The following CDKL5 variants were observed in gnomAD, a reference collection of about 807,000 sequenced individuals.
The protein encoded by CDKL5 is cyclin-dependent kinase-like 5.
In CDKL5, 8 loss-of-function variants were observed where a neutral mutation model predicts 61.7. The ratio of observed to expected loss-of-function variants is 0.13; its 90% confidence interval spans 0.08 to 0.23. The LOEUF is 0.23. Ranked by LOEUF, CDKL5 falls within the 10% of genes least tolerant of loss-of-function variation. CDKL5 has a pLI of 1.00. For synonymous variants in CDKL5, 275 were observed against 272.3 expected (o/e 1.01, Z -0.10); for missense variants, 440 against 734.5 (o/e 0.60, Z 4.63).
intron 1 of CDKL5, among the ~76,000 whole-genome samples, chrX:18,447,365 T>C (rs967932229): frequency 9.0e-6 from 1 of 111,401 alleles, no homozygotes; most frequent in Non-Finnish European, 1.9e-5. Flanking sequence ...ACATGTCCAA[T>C]CCTCTCCTAG....
intron 1 of CDKL5, among the ~76,000 whole-genome samples, chrX:18,456,280 C>T (rs185664516): frequency 9.9e-4 from 110 of 110,999 alleles, no homozygotes; most frequent in African/African-American, 3.4e-3. Context: ...TCAGGTGGTC[C>T]ACCCACCTTG....
chrX:18,466,287 G>A (rs1183377688), intron 1 of CDKL5, among the ~76,000 whole-genome samples: 1 of 111,858 alleles, frequency 8.9e-6, no homozygotes, highest in Non-Finnish European at 1.9e-5. Flanking sequence ...AATCTCAAAG[G>A]TGCCTCAATC....
chrX:18,625,067 T>C (rs1039978121), intron 16 of CDKL5, 61 bp from the exon 17 acceptor site: 1 of 1,123,910 alleles, frequency 8.9e-7, no homozygotes, highest in Non-Finnish European at 1.2e-6. Context: ...TGGGTGTGGT[T>C]GCATATCTTA....
At chrX:18,441,552 T>TG (rs1381750665) in intron 1 of CDKL5, among the ~76,000 whole-genome samples, 6 of 111,553 alleles carry the variant, frequency 5.4e-5, no homozygotes, top group Non-Finnish European at 1.1e-4. Context: ...TGGGTGGTGG[T>TG]GGGGGGGCTT....
intron 4 of CDKL5, among the ~76,000 whole-genome samples, chrX:18,573,136 T>G (rs1371154471): frequency 9.0e-6 from 1 of 110,713 alleles, no homozygotes; most frequent in African/African-American, 3.3e-5. Context: ...AGTTTGGGGC[T>G]ATTTTGGGAA....
chrX:18,639,990 G>A lies in CDKL5; in HGVS notation c.*11233G>A, dbSNP rs1024074681. 2 of 111,796 alleles carry A rather than the reference G, an allele frequency of 1.8e-5. No homozygotes were observed. The highest frequency in any genetic ancestry group is 6.5e-5 in the African/African-American group (2 of 30,707). The allele number at this position is 111,796 out of a possible 1,213,427, so 9.2% of individuals were successfully genotyped here. ...AGACAGTCGATTCGTGGTTGCAGAG[G>A]GCTTGGGGTGGCCGATGGGTTGGGG... On this transcript the variant is annotated 3_prime_UTR_variant, in exon 18 of 18. Coordinates refer to ENST00000623535, the MANE Select transcript of CDKL5 (RefSeq NM_001323289.2).
At chrX:18,484,509 G>A (rs1353841135) in intron 1 of CDKL5, among the ~76,000 whole-genome samples, 3 of 109,502 alleles carry the variant, frequency 2.7e-5, no homozygotes, top group African/African-American at 6.7e-5. Flanking sequence ...GTAGAGATGG[G>A]GTTTCACAAT....
In CDKL5 at chrX:18,631,235, T is replaced by A. The variant is rs1266098402; in HGVS notation, c.*2478T>A. ...ACCTAATTGTTGAAGAGTCAATACG[T>A]ACTTTTTGTACTTTCCCAGATTTGA... On this transcript the variant is annotated 3_prime_UTR_variant, in exon 18 of 18. Coordinates refer to ENST00000623535, the MANE Select transcript of CDKL5 (RefSeq NM_001323289.2). 5.3e-5 allele frequency: 40 copies of A among 751,209 alleles called. No individual in the cohort carries two copies. Among genetic ancestry groups the A allele is most frequent in the Non-Finnish European group, 6.3e-5 (40 of 637,790 alleles). The allele number at this position is 751,209 out of a possible 1,213,427, so 61.9% of individuals were successfully genotyped here. A position where few individuals can be genotyped will look rare whatever the true frequency, so the allele number is the denominator to read the frequency against.
intron 6 of CDKL5, among the ~76,000 whole-genome samples, chrX:18,581,488 TATTCTC>T (rs1386269740): frequency 8.9e-6 from 1 of 111,950 alleles, no homozygotes; most frequent in Admixed American, 9.5e-5. Context: ...GCTAGCTACT[TATTCTC>T]ATGTATTTTT....
intron 2 of CDKL5, among the ~76,000 whole-genome samples, chrX:18,509,249 CT>C (rs1922738344): frequency 1.2e-5 from 1 of 81,426 alleles, no homozygotes; most frequent in African/African-American, 4.4e-5. Flanking sequence ...ACACACACCC[CT>C]GTCAAGCAAA....
intron 1 of CDKL5, among the ~76,000 whole-genome samples, chrX:18,450,193 A>G (rs1602197590): frequency 3.6e-5 from 4 of 112,088 alleles, no homozygotes; most frequent in African/African-American, 3.2e-5. Context: ...ATGCTGCCAA[A>G]TGTAAGATAT....
At position 18,442,788 on chromosome X, in the gene CDKL5, C is replaced by CT. The variant is rs200605190; in HGVS notation, c.-163+17094dup. On this transcript the variant is annotated intron_variant, in intron 1 of 17. Coordinates refer to ENST00000623535, the MANE Select transcript of CDKL5 (RefSeq NM_001323289.2). Reference sequence around the variant, plus strand: ...GGATTACAGGTGTGAGCCACCGCGCCTAGCGCTCTGTTGGGTTTAAAGAAA... The same window carrying CT: ...GGATTACAGGTGTGAGCCACCGCGCCTTAGCGCTCTGTTGGGTTTAAAGAAA... 5.0e-3 allele frequency among the ~76,000 whole-genome samples: 564 copies of CT among 112,356 alleles called. 4 individuals carry two copies. The highest frequency in any genetic ancestry group is 0.036 in the South Asian group (99 of 2,763).
chrX:18,506,893 A>T (rs182947187), intron 1 of CDKL5, 42 bp from the exon 2 acceptor site: 47 of 418,368 alleles, frequency 1.1e-4, no homozygotes, highest in Non-Finnish European at 1.5e-4. Flanking sequence ...GAGTACTGCA[A>T]ATATAAAACT....
At chrX:18,625,320 C>G in intron 17 of CDKL5, 73 bp downstream of exon 17, 1 of 1,100,338 alleles carries the variant, frequency 9.1e-7, no homozygotes, top group Non-Finnish European at 1.2e-6. Context: ...GGAGGGCATG[C>G]TAGAGAAAAC....
At chrX:18,642,061 C>G, downstream of CDKL5, 2 of 1,211,368 alleles carry the variant, frequency 1.7e-6, no homozygotes, top group Non-Finnish European at 2.2e-6. Context: ...TGCGGACGTG[C>G]CAGCCCAGCG....
chrX:18,608,770 A>G (rs780582317), intron 12 of CDKL5, 41 bp from the exon 13 acceptor site: 39 of 914,788 alleles, frequency 4.3e-5, no homozygotes, highest in Non-Finnish European at 6.1e-5. Context: ...CATCCCTAGG[A>G]ACAGGATGCT....
chrX:18,644,496 G>A (rs777902881), downstream of CDKL5: 3 of 1,211,432 alleles, frequency 2.5e-6, no homozygotes, highest in Non-Finnish European at 2.2e-6. Context: ...TGTACTGCAC[G>A]CTGTACTTGG....
downstream of CDKL5, chrX:18,644,733 C>A: frequency 2.6e-6 from 2 of 774,408 alleles, no homozygotes; most frequent in Non-Finnish European, 3.9e-6. Flanking sequence ...AGCCCCCTGC[C>A]AAGCTCGGGC....
chrX:18,445,276 C>T lies in CDKL5; in HGVS notation c.-163+19581C>T, dbSNP rs1479730278. On this transcript the variant is annotated intron_variant, in intron 1 of 17. Coordinates refer to ENST00000623535, the MANE Select transcript of CDKL5 (RefSeq NM_001323289.2). Reference sequence around the variant, plus strand: ...TATTTTTAGTAGAGACAGGGTTTCACCATGTTGGTCAGGCTGGTCTCGGAC... The same window carrying T: ...TATTTTTAGTAGAGACAGGGTTTCATCATGTTGGTCAGGCTGGTCTCGGAC... 2.7e-5 allele frequency among the ~76,000 whole-genome samples: 3 copies of T among 110,246 alleles called. No individual in the cohort carries two copies. The East Asian group carries it at 8.6e-4, about 31-fold the overall frequency.
Sources: gnomAD v4.1 joint callset for allele counts (sites outside exome capture counted in the v4.1 genomes callset) on GRCh38, gnomAD v4.1.1 for gene constraint, MANE v1.5 for transcripts, NCBI Gene and HGNC (gene_info 2026-07-23, HGNC 2026-07-21) for gene names.